Variants in HIBADH observed in about 807,000 individuals in gnomAD.
HIBADH encodes 3-hydroxyisobutyrate dehydrogenase, mitochondrial.
A neutral mutation model predicts 36.1 loss-of-function variants in HIBADH; 25 were observed. The ratio of observed to expected loss-of-function variants is 0.69; its 90% CI spans 0.50 to 0.97. The LOEUF (loss-of-function observed/expected upper bound fraction) is 0.97. Among genes scored for constraint, HIBADH ranks in the 50% least tolerant of loss-of-function variants. HIBADH has a pLI of 0.00. For synonymous variants in HIBADH, 160 were observed against 149.5 expected (o/e 1.07, Z -0.51); for missense variants, 421 against 418.0 (o/e 1.01, Z -0.06).
At chr7:27,551,222 T>C (rs928369765) in intron 4 of HIBADH, among the ~76,000 whole-genome samples, 1 of 152,202 alleles carries the variant, frequency 6.6e-6, no homozygotes, top group South Asian at 2.1e-4. Flanking sequence ...TAAGTGTACA[T>C]GTATGAGGAC....
Position 27,531,323 on chromosome 7 carries a change from C to A in HIBADH, c.721G>T (p.Ala241Ser), listed in dbSNP as rs140422741. 1,978 of 1,613,020 alleles carry A rather than the reference C, an allele frequency of 1.2e-3. 3 individuals carry two copies. The highest frequency in any genetic ancestry group is 1.6e-3 in the Non-Finnish European group (1,865 of 1,179,340). ...IRLGLDPKLL[A>S]KILNMSSGRC... ...CCTGAGCTCATATTTAGGATTTTAG[C>A]CAGTAGTTTTGGGTCAAGCCCTAAC... is the stretch of plus-strand genomic sequence containing the variant. The change falls in exon 7 of 8, where the codon GCT becomes TCT. Residue 241 changes from alanine to serine, a missense_variant. Coordinates refer to ENST00000265395, the MANE Select transcript of HIBADH (RefSeq NM_152740.4).
chr7:27,642,766 C>G (rs1785985102), intron 2 of HIBADH, among the ~76,000 whole-genome samples: 1 of 151,244 alleles, frequency 6.6e-6, no homozygotes, highest in Non-Finnish European at 1.5e-5. Context: ...ATTCTCCTGC[C>G]TCAGCCTCCC....
chr7:27,618,844 A>G (rs1785483665), intron 4 of HIBADH, among the ~76,000 whole-genome samples: 1 of 152,064 alleles, frequency 6.6e-6, no homozygotes, highest in Admixed American at 6.6e-5. Context: ...GGAGCAAGAG[A>G]GAAGGGGGAA....
intron 4 of HIBADH, among the ~76,000 whole-genome samples, chr7:27,612,857 A>C (rs1236897414): frequency 6.8e-6 from 1 of 147,528 alleles, no homozygotes; most frequent in Non-Finnish European, 1.5e-5. Context: ...TCCAAGCAGA[A>C]GACTGCTTGA....
chr7:27,628,367 G>A (rs1785685540), intron 4 of HIBADH, among the ~76,000 whole-genome samples: 1 of 151,968 alleles, frequency 6.6e-6, no homozygotes, highest in Non-Finnish European at 1.5e-5. Context: ...TAATTCTAAA[G>A]CCCACAATCA....
chr7:27,631,068 C>G (rs943541828), intron 3 of HIBADH, among the ~76,000 whole-genome samples: 3 of 152,126 alleles, frequency 2.0e-5, no homozygotes, highest in African/African-American at 4.8e-5. Flanking sequence ...TAAAGTCAAA[C>G]TTTTTAAAAA....
chr7:27,632,477 A>C, intron 2 of HIBADH, 32 bp from the exon 3 acceptor site: 2 of 1,446,276 alleles, frequency 1.4e-6, no homozygotes, highest in Non-Finnish European at 1.9e-6. Context: ...CACATTATTT[A>C]AATTAAAATG....
At chr7:27,566,153 G>C (rs9639560) in intron 4 of HIBADH, among the ~76,000 whole-genome samples, 6 of 151,880 alleles carry the variant, frequency 4.0e-5, no homozygotes, top group Non-Finnish European at 7.4e-5. Flanking sequence ...TTTAGTATCA[G>C]TGTAACACTG....
At chr7:27,587,613 C>G (rs889875697) in intron 4 of HIBADH, among the ~76,000 whole-genome samples, 8 of 152,168 alleles carry the variant, frequency 5.3e-5, no homozygotes, top group African/African-American at 1.4e-4. Context: ...CCTAGTCATG[C>G]CACTCCCAAA....
At chr7:27,537,499 T>C (rs1784086158) in intron 6 of HIBADH, among the ~76,000 whole-genome samples, 1 of 152,118 alleles carries the variant, frequency 6.6e-6, no homozygotes, top group Non-Finnish European at 1.5e-5. Context: ...TGGTAAGCAG[T>C]TTTGGGGAAT....
intron 6 of HIBADH, among the ~76,000 whole-genome samples, chr7:27,537,948 C>A (rs913294809): frequency 2.6e-5 from 4 of 151,976 alleles, no homozygotes; most frequent in Non-Finnish European, 4.4e-5. Flanking sequence ...TGGTAGCATA[C>A]CACTTGAATT....
At chr7:27,566,225 A>G (rs2128187439) in intron 4 of HIBADH, among the ~76,000 whole-genome samples, 1 of 152,280 alleles carries the variant, frequency 6.6e-6, no homozygotes, top group South Asian at 2.1e-4. Flanking sequence ...GAAATTGTGT[A>G]GAACTGCTAT....
At chr7:27,579,561 A>G (rs1483110327) in intron 4 of HIBADH, among the ~76,000 whole-genome samples, 1 of 152,242 alleles carries the variant, frequency 6.6e-6, no homozygotes, top group Non-Finnish European at 1.5e-5. Flanking sequence ...GAAACATCTG[A>G]GTCAAATTTC....
At chr7:27,590,531 C>T (rs1784923929) in intron 4 of HIBADH, among the ~76,000 whole-genome samples, 1 of 152,164 alleles carries the variant, frequency 6.6e-6, no homozygotes, top group Non-Finnish European at 1.5e-5. Context: ...CAAGGTTTCT[C>T]ATGGAACCAA....
intron 1 of HIBADH, among the ~76,000 whole-genome samples, chr7:27,662,052 T>G (rs1414649282): frequency 6.6e-6 from 1 of 152,222 alleles, no homozygotes; most frequent in Non-Finnish European, 1.5e-5. Context: ...GGATTAATTC[T>G]GCCCACAATC....
chr7:27,586,225 C>T (rs982850846), intron 4 of HIBADH, among the ~76,000 whole-genome samples: 4 of 152,178 alleles, frequency 2.6e-5, no homozygotes, highest in African/African-American at 7.2e-5. Flanking sequence ...ACATTCTTTC[C>T]ATTCCAACTG....
At chr7:27,572,808 T>C (rs1784647743) in intron 4 of HIBADH, among the ~76,000 whole-genome samples, 1 of 152,242 alleles carries the variant, frequency 6.6e-6, no homozygotes, top group Admixed American at 6.5e-5. Context: ...ATGCAATTCT[T>C]GCTCAAATTA....
intron 4 of HIBADH, among the ~76,000 whole-genome samples, chr7:27,592,738 G>A (rs62456947): frequency 0.2 from 30,995 of 152,090 alleles, 4,122 homozygotes; most frequent in East Asian, 0.5. Flanking sequence ...CTCACACCCT[G>A]TCTCTAAAAT....
In HIBADH at chr7:27,538,371, C is replaced by A. The variant is rs1337733794; in HGVS notation, c.665G>T (p.Gly222Val). The part of the protein sequence containing the change: ...NNMLLAISMI[G>V]TAEAMNLGIR... ...TCCAAGATTCATAGCTTCAGCAGTT[C>A]CAATCATACTAATAGCTAACAGCAT... Residue 222 changes from glycine to valine, a missense_variant, in exon 6 of 8, where the codon GGA (glycine) becomes GTA (valine). Coordinates refer to ENST00000265395, the MANE Select transcript of HIBADH (RefSeq NM_152740.4). 1 of 1,613,154 alleles carries A rather than the reference C, an allele frequency of 6.2e-7. No homozygotes were observed. Among genetic ancestry groups the A allele is most frequent in the Admixed American group, 1.7e-5 (1 of 59,926 alleles).
Sources: allele counts gnomAD v4.1 joint callset (sites outside exome capture counted in the v4.1 genomes callset), GRCh38; gene constraint gnomAD v4.1.1; transcripts MANE v1.5; gene names NCBI Gene and HGNC (gene_info 2026-07-23, HGNC 2026-07-21).